USP5: variants seen among roughly 807,000 people sequenced by gnomAD.
The protein encoded by USP5 is ubiquitin carboxyl-terminal hydrolase 5.
Under a neutral mutation model 102.5 loss-of-function variants are expected in USP5, and 24 were observed. That is an observed-to-expected ratio of 0.23 (90% CI 0.17 to 0.33). USP5 has a LOEUF of 0.33. Ranked by LOEUF, USP5 falls within the 10% of genes least tolerant of loss-of-function variation. USP5 has a pLI of 1.00. For missense variants in USP5, 753 were observed against 1,122.1 expected (o/e 0.67, Z 4.70); for synonymous variants, 460 against 434.8 (o/e 1.06, Z -0.72).
rs1944365090 is a variant in USP5 at position 6,864,348 on chromosome 12, C to G, written c.2244+153C>G. Among the ~76,000 whole-genome samples the G allele has an allele frequency of 6.6e-6, 1 of 152,162 alleles. No homozygotes were observed. Among genetic ancestry groups the G allele is most frequent in the Non-Finnish European group, 1.5e-5 (1 of 68,034 alleles). On this transcript the variant is annotated intron_variant, in intron 17 of 19. Coordinates refer to ENST00000229268, the MANE Select transcript of USP5 (RefSeq NM_001098536.2). This position sits in a 1 kb window ranked among gnomAD's most constrained non-coding sequence, Gnocchi z 4.8. ...TGTGGCTGCGATGAAGGAGCTGAAG[C>G]CTGCGTTCACTGCTGGGTTTTTTGC...
Position 6,864,676 on chromosome 12 carries a change from A to G in USP5, c.2245-46A>G, listed in dbSNP as rs782111393. The G allele has an allele frequency of 5.2e-5, 82 of 1,575,432 alleles. No individual in the cohort carries two copies. Among genetic ancestry groups the G allele is most frequent in the Non-Finnish European group, 5.8e-5 (67 of 1,164,604 alleles). The stretch of plus-strand genomic sequence containing the variant: ...TGCACTCCAGCCTGGGCGACAGAGC[A>G]AGACTCCGTCTCAAGAAAAAAAGTA... On this transcript the variant is annotated intron_variant, in intron 17 of 19. Transcript: ENST00000229268. This position sits in a 1 kb window ranked among gnomAD's most constrained non-coding sequence, Gnocchi z 4.8.
chr12:6,859,654 T>C, intron 9 of USP5, 113 bp downstream of exon 9: 3 of 1,073,758 alleles, frequency 2.8e-6, no homozygotes, highest in South Asian at 1.3e-5. Context: ...TTTTTTGTTT[T>C]GTTTTGTTTT....
chr12:6,858,620 G>A lies in USP5; in HGVS notation c.1058+3G>A. 6.3e-7 allele frequency: 1 copy of A among 1,598,076 alleles called. No homozygotes were observed. Among genetic ancestry groups the A allele is most frequent in the Non-Finnish European group, 8.6e-7 (1 of 1,166,916 alleles). On this transcript the variant is annotated splice_donor_region_variant and intron_variant, in intron 8 of 19. Coordinates refer to ENST00000229268, the MANE Select transcript of USP5 (RefSeq NM_001098536.2). This position sits in a 1 kb window ranked among gnomAD's most constrained non-coding sequence, Gnocchi z 4.2. ...AGCATCCCTGACTTCCAGAGGAAGT[G>A]AGTAGTGCCCTCTCCTTCCCCAGGC... is the stretch of plus-strand genomic sequence containing the variant.
In USP5 at chr12:6,855,681, C is replaced by G; in HGVS notation, c.238-74C>G. The G allele has an allele frequency of 6.2e-7, 1 of 1,604,134 alleles. No homozygotes were observed. Among genetic ancestry groups the G allele is most frequent in the South Asian group, 1.1e-5 (1 of 90,526 alleles). ...TCCGTTCTGAGATGAAGCACTACCT[C>G]CTTCCGTCCCTCCTCCCGACTTGTT... is the stretch of plus-strand genomic sequence containing the variant. On this transcript the variant is annotated intron_variant, in intron 2 of 19. Transcript: ENST00000229268. This position sits in a 1 kb window ranked among gnomAD's most constrained non-coding sequence, Gnocchi z 4.6.
At position 6,860,539 on chromosome 12, in the gene USP5, G is replaced by A. The variant is rs782813400; in HGVS notation, c.1344+48G>A. 10 of 1,608,300 alleles carry A rather than the reference G, an allele frequency of 6.2e-6. No individual in the cohort carries two copies. The highest frequency in any genetic ancestry group is 2.2e-5 in the East Asian group (1 of 44,878). ...ACCCCCATCTTCCTGCAATTTACTC[G>A]CTCTCCTTCCTGCCCATTTCTCCCT... On this transcript the variant is annotated intron_variant, in intron 11 of 19. Transcript: ENST00000229268. This position sits in a 1 kb window ranked among gnomAD's most constrained non-coding sequence, Gnocchi z 5.5.
At chr12:6,865,330 T>G in intron 19 of USP5, 82 bp downstream of exon 19, 1 of 1,301,092 alleles carries the variant, frequency 7.7e-7, no homozygotes, top group Non-Finnish European at 1.1e-6. Flanking sequence ...GGGATAGCTA[T>G]GGGAGAAGGT....
Position 6,856,335 on chromosome 12 carries a change from G to A in USP5, c.469G>A (p.Ala157Thr). 1 of 1,613,764 alleles carries A rather than the reference G, an allele frequency of 6.2e-7. No individual in the cohort carries two copies. Among genetic ancestry groups the A allele is most frequent in the Non-Finnish European group, 8.5e-7 (1 of 1,179,876 alleles). The change falls in exon 5 of 20, where the codon GCC (alanine) becomes ACC (threonine). Residue 157 changes from alanine to threonine, a missense_variant. Ala to Thr is a moderately conservative substitution (Grantham distance 58). This residue lies in a region of USP5 where 527 missense variants were observed against 816.5 expected (regional missense o/e 0.65). Coordinates refer to ENST00000229268, the MANE Select transcript of USP5 (RefSeq NM_001098536.2). The surrounding 1 kb of genome is among the most constrained non-coding windows in gnomAD (Gnocchi z 5.6). The part of the protein sequence containing the change: ...VTSAVEALLS[A>T]DSASRKQEVQ... ...CAGTGCAGTGGAGGCCCTACTGTCG[G>A]CCGACTCAGCCTCCCGCAAGCAGGA...
rs782306188 is a variant in USP5, at chr12:6,852,418, C to G, written c.111+128C>G. On this transcript the variant is annotated intron_variant, in intron 1 of 19. Coordinates refer to ENST00000229268, the MANE Select transcript of USP5 (RefSeq NM_001098536.2). The stretch of plus-strand genomic sequence containing the variant: ...ACCATGGGACTTGTAGTCTCCCACG[C>G]TCCACTCTGCCGTTGCCTTTCATTA... The G allele has an allele frequency of 5.2e-6, 5 of 964,606 alleles. No homozygotes were observed. The South Asian group carries it at 6.3e-5, about 12-fold the overall frequency. The allele number at this position is 964,606 out of a possible 1,614,324, so 59.8% of individuals were successfully genotyped here. A position where few individuals can be genotyped will look rare whatever the true frequency, so the allele number is the denominator to read the frequency against.
In USP5 at chr12:6,852,360, T is replaced by C. The variant is rs1433247501; in HGVS notation, c.111+70T>C. On this transcript the variant is annotated intron_variant, in intron 1 of 19. Coordinates refer to ENST00000229268, the MANE Select transcript of USP5 (RefSeq NM_001098536.2). ...TCGCCCTGGTCATTCCGCTGGGGCC[T>C]GCAAGGCTTGGGCTACCGCCTCCCT... 6.8e-6 allele frequency: 10 copies of C among 1,474,524 alleles called. No individual in the cohort carries two copies. In the African/African-American group the frequency reaches 1.4e-4, roughly 20 times the overall value. The allele number at this position is 1,474,524 out of a possible 1,614,324, so 91.3% of individuals were successfully genotyped here. A position where few individuals can be genotyped will look rare whatever the true frequency, so the allele number is the denominator to read the frequency against.
intron 9 of USP5, 87 bp downstream of exon 9, chr12:6,859,628 C>CT: frequency 7.7e-7 from 1 of 1,291,920 alleles, no homozygotes; most frequent in Non-Finnish European, 1.1e-6. Context: ...GGGCACAGCA[C>CT]TTTAACCCCT....
Position 6,861,187 on chromosome 12 carries a change from C to G in USP5, c.1498+81C>G. ...AATGCTTGGGCACCTCATGGGAGCA[C>G]AGCCCAGGGAATGCCCTGCTTCACC... On this transcript the variant is annotated intron_variant, in intron 12 of 19. Coordinates refer to ENST00000229268, the MANE Select transcript of USP5 (RefSeq NM_001098536.2). The surrounding 1 kb of genome is among the most constrained non-coding windows in gnomAD (Gnocchi z 4.9). The G allele has an allele frequency of 6.3e-7, 1 of 1,575,114 alleles. No homozygotes were observed. The highest frequency in any genetic ancestry group is 8.6e-7 in the Non-Finnish European group (1 of 1,160,576).
In USP5 at chr12:6,856,710, C is replaced by T. The variant is rs782702248; in HGVS notation, c.588C>T (p.Gly196=). 1.2e-6 allele frequency: 2 copies of T among 1,614,024 alleles called. No individual in the cohort carries two copies. Among genetic ancestry groups the T allele is most frequent in the South Asian group, 2.2e-5 (2 of 91,080 alleles). The change falls in exon 6 of 20, where the codon GGC becomes GGT. Residue 196 remains glycine, a synonymous_variant. Transcript: ENST00000229268. This position sits in a 1 kb window ranked among gnomAD's most constrained non-coding sequence, Gnocchi z 5.6. ...LDNPARIPPC[G]WKCSKCDMRE... is the part of the protein sequence containing the mutation. ...GATTCTCTTCTCTGTGGGTTAGTGG[C>T]TGGAAGTGCTCCAAGTGTGACATGA... is the stretch of plus-strand genomic sequence containing the variant.
At position 6,860,070 on chromosome 12, in the gene USP5, G is replaced by T; in HGVS notation, c.1131-81G>T. The T allele has an allele frequency of 1.3e-6, 2 of 1,494,128 alleles. No individual in the cohort carries two copies. Among genetic ancestry groups the T allele is most frequent in the Non-Finnish European group, 1.8e-6 (2 of 1,090,932 alleles). 92.6% of individuals were successfully genotyped at this position (1,494,128 alleles called of 1,614,324 possible). A position where few individuals can be genotyped will look rare whatever the true frequency, so the allele number is the denominator to read the frequency against. On this transcript the variant is annotated intron_variant, in intron 9 of 19. Transcript: ENST00000229268. This position sits in a 1 kb window ranked among gnomAD's most constrained non-coding sequence, Gnocchi z 5.5. ...CGTTGTTGAGAGTTAGCTAGGGAGA[G>T]CCACGAGCAGGGGGTTGAGCTGGGG...
rs1555128036 is a variant in USP5, at chr12:6,855,752, C to T, written c.238-3C>T. On this transcript the variant is annotated splice_region_variant and splice_polypyrimidine_tract_variant and intron_variant, in intron 2 of 19. Transcript: ENST00000229268. The surrounding 1 kb of genome is among the most constrained non-coding windows in gnomAD (Gnocchi z 4.6). ...TGATCCAGCCCTTCCTGCTTCTTTACAGAAAGAGGAGGACCCTGCTACAGG... is the reference window on the plus strand; with the variant it reads ...TGATCCAGCCCTTCCTGCTTCTTTATAGAAAGAGGAGGACCCTGCTACAGG... 6.2e-7 allele frequency: 1 copy of T among 1,614,158 alleles called. No individual in the cohort carries two copies. The highest frequency in any genetic ancestry group is 8.5e-7 in the Non-Finnish European group (1 of 1,180,004).
chr12:6,863,064 G>T lies in USP5; in HGVS notation c.1763-122G>T, dbSNP rs916735277. 2.3e-5 allele frequency: 22 copies of T among 947,958 alleles called. No individual in the cohort carries two copies. Among genetic ancestry groups the T allele is most frequent in the Non-Finnish European group, 3.4e-5 (22 of 656,366 alleles). 58.7% of individuals were successfully genotyped at this position (947,958 alleles called of 1,614,324 possible). A position where few individuals can be genotyped will look rare whatever the true frequency, so the allele number is the denominator to read the frequency against. On this transcript the variant is annotated intron_variant, in intron 14 of 19. Coordinates refer to ENST00000229268, the MANE Select transcript of USP5 (RefSeq NM_001098536.2). This position sits in a 1 kb window ranked among gnomAD's most constrained non-coding sequence, Gnocchi z 4.7. ...TTATACTGGGACCCCTAAGATGGGT[G>T]CCGTGCTTTTAGCAGCTCCTCTTTA... is the stretch of plus-strand genomic sequence containing the variant.
In USP5 at chr12:6,855,644, T is replaced by A; in HGVS notation, c.238-111T>A. On this transcript the variant is annotated intron_variant, in intron 2 of 19. Transcript: ENST00000229268. This position sits in a 1 kb window ranked among gnomAD's most constrained non-coding sequence, Gnocchi z 4.6. ...GTCATTAAAGCTTGGCACAGATGTTTTTTAGCTTTATTCCGTTCTGAGATG... is the reference window on the plus strand; with the variant it reads ...GTCATTAAAGCTTGGCACAGATGTTATTTAGCTTTATTCCGTTCTGAGATG... The A allele has an allele frequency of 1.3e-6, 2 of 1,587,046 alleles. No individual in the cohort carries two copies. The highest frequency in any genetic ancestry group is 8.6e-7 in the Non-Finnish European group (1 of 1,166,218).
Position 6,860,588 on chromosome 12 carries a change from T to A in USP5, c.1344+97T>A. 6.4e-7 allele frequency: 1 copy of A among 1,565,372 alleles called. No individual in the cohort carries two copies. Among genetic ancestry groups the A allele is most frequent in the Non-Finnish European group, 8.6e-7 (1 of 1,156,232 alleles). On this transcript the variant is annotated intron_variant, in intron 11 of 19. Coordinates refer to ENST00000229268, the MANE Select transcript of USP5 (RefSeq NM_001098536.2). This position sits in a 1 kb window ranked among gnomAD's most constrained non-coding sequence, Gnocchi z 5.5. ...CTCTATCAGCCCCAACCCAGTCCCA[T>A]CCCTGAACCCCAACAGTCTGTGTCC...
At chr12:6,853,888 G>A (rs1944028202) in intron 1 of USP5, among the ~76,000 whole-genome samples, 1 of 152,160 alleles carries the variant, frequency 6.6e-6, no homozygotes, top group Admixed American at 6.5e-5. Context: ...GCAATCTATG[G>A]GACCAAGAAC....
chr12:6,854,228 T>C (rs1555127698), intron 1 of USP5, among the ~76,000 whole-genome samples: 1 of 152,094 alleles, frequency 6.6e-6, no homozygotes, highest in East Asian at 1.9e-4. Context: ...GGCTTTGAGA[T>C]TGGTGATTTG....
Sources: gnomAD v4.1 joint callset for allele counts (sites outside exome capture counted in the v4.1 genomes callset) on GRCh38, gnomAD v4.1.1 for gene constraint, gnomAD v4.1.1 regional missense constraint, Gnocchi (gnomAD v3.1) non-coding constraint, MANE v1.5 for transcripts, NCBI Gene and HGNC (gene_info 2026-07-23, HGNC 2026-07-21) for gene names.